The following KLHL32 variants were observed in gnomAD, a reference collection of about 807,000 sequenced individuals.
KLHL32 encodes kelch-like protein 32.
KLHL32 carries 35 observed loss-of-function variants against 64.8 expected under a neutral mutation model. That is an observed-to-expected ratio of 0.54 (90% confidence interval 0.41 to 0.72). The LOEUF (loss-of-function observed/expected upper bound fraction) is 0.72, where lower values mean the gene tolerates loss of function less well. Among genes scored for constraint, KLHL32 ranks in the 30% least tolerant of loss-of-function variants. The pLI, the probability that KLHL32 is intolerant of heterozygous loss-of-function variation, is 0.00. For synonymous variants in KLHL32, 259 were observed against 281.0 expected, an observed-to-expected ratio of 0.92 and a Z score of 0.78; for missense variants, 589 against 768.5, an observed-to-expected ratio of 0.77 and a Z score of 2.76.
chr6:96,988,448 G>GA (rs1315024097), intron 3 of KLHL32, among the ~76,000 whole-genome samples: 1 of 152,038 alleles, frequency 6.6e-6, no homozygotes, highest in Non-Finnish European at 1.5e-5. Flanking sequence ...AAAAAGTCAG[G>GA]AAACAACAGG....
At chr6:96,973,382 T>C (rs1206344202) in intron 2 of KLHL32, among the ~76,000 whole-genome samples, 1 of 152,218 alleles carries the variant, frequency 6.6e-6, no homozygotes, top group Non-Finnish European at 1.5e-5. Flanking sequence ...GGCAATTATC[T>C]TAATATATTC....
intron 10 of KLHL32, among the ~76,000 whole-genome samples, chr6:97,135,437 C>G (rs1323637040): frequency 6.7e-6 from 1 of 150,334 alleles, no homozygotes; most frequent in Non-Finnish European, 1.5e-5. Context: ...TCCTGAGTAA[C>G]TGGGATTTCA....
chr6:96,940,374 C>G (rs1017771771), intron 1 of KLHL32, among the ~76,000 whole-genome samples: 1 of 151,950 alleles, frequency 6.6e-6, no homozygotes, highest in African/African-American at 2.4e-5. Context: ...ATAAGTGTAG[C>G]CAGAGAGGAA....
intron 3 of KLHL32, among the ~76,000 whole-genome samples, chr6:96,986,951 C>T (rs994149209): frequency 6.6e-6 from 1 of 152,226 alleles, no homozygotes; most frequent in East Asian, 1.9e-4. Flanking sequence ...AATCACCTGT[C>T]TTCTGCATCG....
At chr6:96,928,432 A>G (rs1769439557) in intron 1 of KLHL32, among the ~76,000 whole-genome samples, 1 of 152,180 alleles carries the variant, frequency 6.6e-6, no homozygotes, top group South Asian at 2.1e-4. Context: ...GCAGCAGAGG[A>G]TGCAACTGCG....
chr6:96,912,120 C>T, the KLHL32 span, among the ~76,000 whole-genome samples: 1 of 152,104 alleles, frequency 6.6e-6, no homozygotes, highest in Non-Finnish European at 1.5e-5. Flanking sequence ...TGCTCTTTCT[C>T]CTGTGTCCCT....
intron 3 of KLHL32, among the ~76,000 whole-genome samples, chr6:97,004,353 T>C (rs1779405455): frequency 6.6e-6 from 1 of 152,220 alleles, no homozygotes; most frequent in Admixed American, 6.5e-5. Flanking sequence ...TGAGGTTGTT[T>C]ATCAGATGTC....
At chr6:97,096,548 T>A (rs1187738596) in intron 6 of KLHL32, among the ~76,000 whole-genome samples, 1 of 152,266 alleles carries the variant, frequency 6.6e-6, no homozygotes, top group Non-Finnish European at 1.5e-5. Flanking sequence ...GGTGTTTCAG[T>A]TCTCTCCAAA....
At chr6:96,942,231 C>CAG (rs1771381514) in intron 1 of KLHL32, among the ~76,000 whole-genome samples, 1 of 152,204 alleles carries the variant, frequency 6.6e-6, no homozygotes, top group African/African-American at 2.4e-5. Context: ...TTGTCTGGGT[C>CAG]AGTCCAGACT....
intron 4 of KLHL32, among the ~76,000 whole-genome samples, chr6:97,060,152 A>G (rs902294780): frequency 2.6e-5 from 4 of 152,142 alleles, no homozygotes; most frequent in Admixed American, 2.6e-4. Context: ...AAATCTCCTT[A>G]TGCAAGAAAT....
chr6:96,986,708 A>T lies in KLHL32; in HGVS notation c.204+10531A>T, dbSNP rs112905442. On this transcript the variant is annotated intron_variant, in intron 3 of 10. Transcript: ENST00000369261. ...ATAATCTCCTGGTGTGCCATTTGCTAAGACCGTTGGAAAAGCACAGTATTA... is the reference window on the plus strand; with the variant it reads ...ATAATCTCCTGGTGTGCCATTTGCTTAGACCGTTGGAAAAGCACAGTATTA... Among the ~76,000 whole-genome samples the T allele has an allele frequency of 2.3e-3, 346 of 152,308 alleles. 2 individuals carry two copies. The highest frequency in any genetic ancestry group is 8.0e-3 in the African/African-American group (332 of 41,554).
intron 1 of KLHL32, among the ~76,000 whole-genome samples, chr6:96,959,052 T>A (rs747671900): frequency 2.0e-5 from 3 of 152,150 alleles, no homozygotes; most frequent in Non-Finnish European, 4.4e-5. Flanking sequence ...TGAAAGCAAC[T>A]TCCCAGAGAA....
At chr6:97,135,302 T>C (rs370331632) in intron 10 of KLHL32, among the ~76,000 whole-genome samples, 3 of 86,368 alleles carry the variant, frequency 3.5e-5, no homozygotes, top group Non-Finnish European at 5.2e-5. Flanking sequence ...TTTGTTAATT[T>C]TTTTTTTTTT....
At chr6:97,015,356 G>A (rs1010673767) in intron 3 of KLHL32, among the ~76,000 whole-genome samples, 1 of 152,144 alleles carries the variant, frequency 6.6e-6, no homozygotes, top group Non-Finnish European at 1.5e-5. Context: ...GGAAGATGTG[G>A]GAAAGTTTGA....
chr6:97,086,459 G>C (rs1444891532), intron 6 of KLHL32, among the ~76,000 whole-genome samples: 4 of 152,132 alleles, frequency 2.6e-5, no homozygotes, highest in Non-Finnish European at 5.9e-5. Context: ...CTGGGTCCCA[G>C]GCTCTCTGCA....
At chr6:97,011,187 A>G (rs1307668212) in intron 3 of KLHL32, among the ~76,000 whole-genome samples, 1 of 152,190 alleles carries the variant, frequency 6.6e-6, no homozygotes, top group African/African-American at 2.4e-5. Context: ...GTTAAATTCT[A>G]CTAGGTTAGC....
intron 3 of KLHL32, among the ~76,000 whole-genome samples, chr6:97,001,228 G>T (rs1247774411): frequency 6.6e-6 from 1 of 152,176 alleles, no homozygotes; most frequent in African/African-American, 2.4e-5. Context: ...TACCATACTG[G>T]TGGGGCATGT....
At chr6:97,028,596 GTCA>G (rs1783067940) in intron 3 of KLHL32, among the ~76,000 whole-genome samples, 1 of 152,074 alleles carries the variant, frequency 6.6e-6, no homozygotes, top group African/African-American at 2.4e-5. Context: ...CAACTGCTCA[GTCA>G]TTCCTTCGTG....
intron 10 of KLHL32, 100 bp from the exon 11 acceptor site, chr6:97,139,021 A>T: frequency 1.8e-6 from 2 of 1,085,968 alleles, no homozygotes; most frequent in Non-Finnish European, 2.7e-6. Context: ...GGTGATGGTG[A>T]CATAACTGAA....
Sources: gnomAD v4.1 joint callset for allele counts (sites outside exome capture counted in the v4.1 genomes callset) on GRCh38, gnomAD v4.1.1 for gene constraint, MANE v1.5 for transcripts, NCBI Gene and HGNC (gene_info 2026-07-23, HGNC 2026-07-21) for gene names.